Variants in CHRNA7 observed in about 807,000 individuals in gnomAD.
CHRNA7 encodes the protein neuronal acetylcholine receptor subunit alpha-7.
A neutral mutation model predicts 48.0 loss-of-function variants in CHRNA7; 17 were observed. The ratio of observed to expected loss-of-function variants is 0.35; its 90% CI spans 0.24 to 0.53. The LOEUF is 0.53. Ranked by LOEUF, CHRNA7 falls within the 20% of genes least tolerant of loss-of-function variation. CHRNA7 has a pLI of 0.92. For missense variants in CHRNA7, 155 were observed against 577.7 expected (o/e 0.27, Z 7.50); for synonymous variants, 75 against 242.3 (o/e 0.31, Z 6.41).
At chr15:32,115,201 A>G (rs929096996) in intron 4 of CHRNA7, among the ~76,000 whole-genome samples, 2 of 152,322 alleles carry the variant, frequency 1.3e-5, no homozygotes, top group African/African-American at 4.8e-5. Context: ...GGGAGGCCAC[A>G]GGGTGCTCTG....
At position 32,149,089 on chromosome 15, in the gene CHRNA7, A is replaced by G. The variant is rs1337078128; in HGVS notation, c.351-4818A>G. Among the ~76,000 whole-genome samples, 2 of 152,262 alleles carry G rather than the reference A, an allele frequency of 1.3e-5. No individual in the cohort carries two copies. Among genetic ancestry groups the G allele is most frequent in the Non-Finnish European group, 2.9e-5 (2 of 68,048 alleles). On this transcript the variant is annotated intron_variant, in intron 4 of 9. Coordinates refer to ENST00000306901, the MANE Select transcript of CHRNA7 (RefSeq NM_000746.6). The surrounding 1 kb of genome is among the most constrained non-coding windows in gnomAD (Gnocchi z 4.6). ...TTGCTGGCTGGGGGAGGACAAAGGC[A>G]GCCAGATAAAGGCAGCTCCTGCAAG...
At position 32,093,431 on chromosome 15, in the gene CHRNA7, C is replaced by T. The variant is rs376156865; in HGVS notation, c.196-7872C>T. On this transcript the variant is annotated intron_variant, in intron 2 of 9. Transcript: ENST00000306901. ...CTGAGAAGGATGGGGCAGCTCTGGG[C>T]ATGGGAGTCCACCCAGCGAGAACCA... Among the ~76,000 whole-genome samples the T allele has an allele frequency of 7.9e-5, 12 of 152,274 alleles. No individual in the cohort carries two copies. In the East Asian group the frequency reaches 2.3e-3, roughly 29 times the overall value.
chr15:32,091,504 A>G (rs2050381469), intron 2 of CHRNA7, among the ~76,000 whole-genome samples: 1 of 152,178 alleles, frequency 6.6e-6, no homozygotes, highest in South Asian at 2.1e-4. Flanking sequence ...TGAATTCTCC[A>G]TCAGAAAGAA....
intron 2 of CHRNA7, among the ~76,000 whole-genome samples, chr15:32,056,052 T>C (rs1026009449): frequency 3.3e-5 from 5 of 152,188 alleles, no homozygotes; most frequent in Non-Finnish European, 7.4e-5. Flanking sequence ...TGGCTTATTG[T>C]TTTACTTTTT....
intron 2 of CHRNA7, among the ~76,000 whole-genome samples, chr15:32,061,048 A>G (rs1361392483): frequency 6.6e-6 from 1 of 152,206 alleles, no homozygotes; most frequent in African/African-American, 2.4e-5. Flanking sequence ...CTGTTTCACA[A>G]TAAGCATGTT....
intron 3 of CHRNA7, chr15:32,111,332 G>A (rs534185423): frequency 5.2e-5 from 8 of 152,988 alleles, no homozygotes; most frequent in South Asian, 4.1e-4. Context: ...AATTCTGAGA[G>A]GTTCCCATGC....
chr15:32,166,382 C>T (rs1442826559), intron 9 of CHRNA7: 1 of 152,176 alleles, frequency 6.6e-6, no homozygotes, highest in South Asian at 2.1e-4. Context: ...GTCAGCAGAC[C>T]CAACCTTTCC....
intron 2 of CHRNA7, among the ~76,000 whole-genome samples, chr15:32,053,477 C>T (rs866005993): frequency 6.6e-6 from 1 of 152,184 alleles, no homozygotes. Flanking sequence ...ATTCAGTTAA[C>T]ATCAGTTATA....
intron 2 of CHRNA7, among the ~76,000 whole-genome samples, chr15:32,036,246 C>G (rs1357009640): frequency 6.6e-6 from 1 of 152,218 alleles, no homozygotes; most frequent in African/African-American, 2.4e-5. Flanking sequence ...TCTCCATACT[C>G]TTTCATGGCT....
chr15:32,101,214 G>C, intron 2 of CHRNA7, 89 bp from the exon 3 acceptor site: 26 of 1,396,064 alleles, frequency 1.9e-5, no homozygotes, highest in Non-Finnish European at 2.6e-5. Flanking sequence ...CAACGCTCTC[G>C]ACAGTCAGAT....
intron 2 of CHRNA7, among the ~76,000 whole-genome samples, chr15:32,046,057 C>A (rs2049538842): frequency 6.6e-6 from 1 of 151,650 alleles, no homozygotes; most frequent in Non-Finnish European, 1.5e-5. Flanking sequence ...TTTTCTTAAT[C>A]CAGTCTATCA....
chr15:32,074,642 ATT>A (rs2050108589), intron 2 of CHRNA7, among the ~76,000 whole-genome samples: 1 of 143,656 alleles, frequency 7.0e-6, no homozygotes. Flanking sequence ...TATTAATATT[ATT>A]ATTATTATTA....
chr15:32,039,287 C>T (rs1423956204), intron 2 of CHRNA7, among the ~76,000 whole-genome samples: 3 of 151,858 alleles, frequency 2.0e-5, no homozygotes, highest in African/African-American at 7.3e-5. Context: ...TTTAGTATTT[C>T]TCTGCTTATT....
chr15:32,080,651 T>C (rs1286587142), intron 2 of CHRNA7, among the ~76,000 whole-genome samples: 1 of 152,164 alleles, frequency 6.6e-6, no homozygotes, highest in African/African-American at 2.4e-5. Flanking sequence ...CAACAGATGC[T>C]GGCAGGGCTG....
chr15:32,131,068 C>A (rs558287338), intron 4 of CHRNA7, among the ~76,000 whole-genome samples: 5 of 152,034 alleles, frequency 3.3e-5, no homozygotes, highest in African/African-American at 1.2e-4. Flanking sequence ...TTTGTTTTTC[C>A]CCCTTACGGA....
intron 4 of CHRNA7, among the ~76,000 whole-genome samples, chr15:32,142,575 A>C (rs1353334013): frequency 2.0e-5 from 3 of 152,070 alleles, no homozygotes; most frequent in Non-Finnish European, 4.4e-5. Flanking sequence ...GTAGGCTATT[A>C]ATTATTGCCT....
At chr15:32,087,462 A>G (rs530320411) in intron 2 of CHRNA7, among the ~76,000 whole-genome samples, 1 of 152,118 alleles carries the variant, frequency 6.6e-6, no homozygotes, top group South Asian at 2.1e-4. Context: ...TTAGAAAGCA[A>G]GGTTTGGGTG....
intron 2 of CHRNA7, among the ~76,000 whole-genome samples, chr15:32,032,325 T>G (rs1455796565): frequency 6.6e-6 from 1 of 152,152 alleles, no homozygotes; most frequent in Non-Finnish European, 1.5e-5. Context: ...GTTCCTCAGT[T>G]GCTTTAAAGA....
At chr15:32,069,475 A>G (rs944445001) in intron 2 of CHRNA7, among the ~76,000 whole-genome samples, 2 of 151,820 alleles carry the variant, frequency 1.3e-5, no homozygotes, top group African/African-American at 2.4e-5. Flanking sequence ...TCAAGACCCA[A>G]TTGCTACAAA....
Sources: allele counts gnomAD v4.1 joint callset (sites outside exome capture counted in the v4.1 genomes callset), GRCh38; gene constraint gnomAD v4.1.1; non-coding constraint Gnocchi (gnomAD v3.1); transcripts MANE v1.5; gene names NCBI Gene and HGNC (gene_info 2026-07-23, HGNC 2026-07-21).